Variants in MAP2 observed in about 807,000 individuals in gnomAD.
MAP2 encodes microtubule associated protein 2.
A neutral mutation model predicts 137.6 loss-of-function variants in MAP2; 14 were observed. The observed-to-expected ratio is 0.10, with a 90% CI of 0.07 to 0.16. The LOEUF (loss-of-function observed/expected upper bound fraction) is 0.16. Ranked by LOEUF, MAP2 falls within the 10% of genes least tolerant of loss-of-function variation. MAP2 has a pLI of 1.00. For missense variants in MAP2, 2,088 were observed against 2,191.5 expected (o/e 0.95, Z 0.94); for synonymous variants, 786 against 782.3 (o/e 1.00, Z -0.08).
chr2:209,708,179 T>C (rs543694852), intron 12 of MAP2, among the ~76,000 whole-genome samples: 1 of 152,314 alleles, frequency 6.6e-6, no homozygotes, highest in Admixed American at 6.5e-5. Flanking sequence ...GACAGACATC[T>C]ACGTTACAAA....
intron 11 of MAP2, among the ~76,000 whole-genome samples, chr2:209,704,874 T>C (rs1584072999): frequency 6.6e-6 from 1 of 151,358 alleles, no homozygotes; most frequent in East Asian, 1.9e-4. Context: ...GATTATCTGG[T>C]AAAATATCAA....
intron 3 of MAP2, among the ~76,000 whole-genome samples, chr2:209,590,447 T>C (rs1004731373): frequency 6.6e-6 from 1 of 152,186 alleles, no homozygotes; most frequent in Non-Finnish European, 1.5e-5. Context: ...GTGATTCTCT[T>C]GCCTCAGCCT....
chr2:209,544,883 G>T (rs969040915), intron 2 of MAP2, among the ~76,000 whole-genome samples: 10 of 152,114 alleles, frequency 6.6e-5, no homozygotes, highest in Admixed American at 6.6e-4. Flanking sequence ...TGATTACTCT[G>T]GGCTTGAATA....
rs551314323 is a variant in MAP2 at position 209,592,153 on chromosome 2, A to T, written c.-107+12053A>T. Among the ~76,000 whole-genome samples the T allele has an allele frequency of 3.1e-4, 47 of 152,294 alleles. No homozygotes were observed. The East Asian group carries it at 8.9e-3, about 29-fold the overall frequency. ...ACACTTTTTCTTTAAAGGGGCAGAT[A>T]GTAAATATTCTTGGCTTTGAGGGTC... On this transcript the variant is annotated intron_variant, in intron 3 of 15. Transcript: ENST00000682079.
intron 3 of MAP2, among the ~76,000 whole-genome samples, chr2:209,594,824 G>A (rs971958600): frequency 2.6e-5 from 4 of 152,032 alleles, no homozygotes; most frequent in Non-Finnish European, 5.9e-5. Flanking sequence ...AATAATGATA[G>A]GATCTAATTC....
intron 2 of MAP2, among the ~76,000 whole-genome samples, chr2:209,574,157 A>G (rs1038107501): frequency 2.6e-5 from 4 of 152,106 alleles, no homozygotes; most frequent in East Asian, 1.9e-4. Flanking sequence ...CTCATTCTAC[A>G]TGATGCTATT....
intron 12 of MAP2, among the ~76,000 whole-genome samples, chr2:209,708,617 A>G (rs1004587511): frequency 2.0e-5 from 3 of 152,170 alleles, no homozygotes; most frequent in African/African-American, 7.2e-5. Flanking sequence ...GATCAATTGC[A>G]TTAGGTGACC....
At chr2:209,682,700 A>G (rs2055189886) in intron 7 of MAP2, among the ~76,000 whole-genome samples, 2 of 152,084 alleles carry the variant, frequency 1.3e-5, no homozygotes, top group South Asian at 4.2e-4. Context: ...CCAAATAAAG[A>G]TAGAAAAAAG....
Position 209,453,427 on chromosome 2 carries a change from G to GATTCT in MAP2, c.-222+29153_-222+29157dup, listed in dbSNP as rs1441709797. On this transcript the variant is annotated intron_variant, in intron 1 of 15. Transcript: ENST00000682079. ...TCCCCACTTAAGAAATAAAATATCA[G>GATTCT]ATTCTACCCACTTAATATCAAAGTA... is the stretch of plus-strand genomic sequence containing the variant. Among the ~76,000 whole-genome samples the GATTCT allele has an allele frequency of 2.6e-5, 4 of 152,056 alleles. No individual in the cohort carries two copies. In the East Asian group the frequency reaches 7.7e-4, roughly 29 times the overall value.
intron 1 of MAP2, among the ~76,000 whole-genome samples, chr2:209,460,588 T>TTTCCTTCC (rs374659903): frequency 2.6e-5 from 4 of 151,396 alleles, no homozygotes; most frequent in Admixed American, 1.3e-4. Context: ...CTTCTCTCCT[T>TTTCCTTCC]TTCCTTCCTT....
chr2:209,631,736 C>A (rs550012092), intron 4 of MAP2, among the ~76,000 whole-genome samples: 1 of 152,216 alleles, frequency 6.6e-6, no homozygotes, highest in African/African-American at 2.4e-5. Context: ...TGTGATGAAG[C>A]AAAGATCTTT....
intron 11 of MAP2, among the ~76,000 whole-genome samples, chr2:209,701,898 A>T (rs542955833): frequency 2.0e-5 from 3 of 152,064 alleles, no homozygotes; most frequent in African/African-American, 7.2e-5. Flanking sequence ...TTGAACATCT[A>T]TTAGTTATAT....
intron 5 of MAP2, among the ~76,000 whole-genome samples, chr2:209,658,642 G>A (rs2042007859): frequency 6.6e-6 from 1 of 151,930 alleles, no homozygotes; most frequent in Non-Finnish European, 1.5e-5. Flanking sequence ...GAGTAGCTGA[G>A]ATTACAGGCG....
chr2:209,726,044 T>G (rs1021889476), intron 14 of MAP2, among the ~76,000 whole-genome samples: 1 of 152,232 alleles, frequency 6.6e-6, no homozygotes, highest in Non-Finnish European at 1.5e-5. Context: ...TATCTTTATG[T>G]ACTCAACACG....
rs749829767 is a variant in MAP2, at chr2:209,692,912, C to A, written c.742C>A (p.Pro248Thr). Residue 248 changes from proline (P) to threonine (T), a missense_variant, in exon 8 of 16, where the codon CCT (proline) becomes ACT (threonine). Around this residue, in one of 6 missense-constraint regions of MAP2, gnomAD observed 859 missense variants for 794.5 expected, o/e 1.08. Transcript: ENST00000682079. ...KQKTEPSLVV[P>T]GIDLPKEPPT... ...GAAGACAGAACCAAGCCTTGTAGTA[C>A]CTGGCATTGACCTCCCTAAAGAGCC... 1.9e-6 allele frequency: 3 copies of A among 1,614,012 alleles called. No individual in the cohort carries two copies. The African/African-American group carries it at 4.0e-5, about 22-fold the overall frequency.
At position 209,469,959 on chromosome 2, in the gene MAP2, A is replaced by C. The variant is rs546198887; in HGVS notation, c.-221-37633A>C. Among the ~76,000 whole-genome samples the C allele has an allele frequency of 7.2e-5, 11 of 152,330 alleles. 1 individual carries two copies. The East Asian group carries it at 2.1e-3, about 29-fold the overall frequency. ...GCCAGTATTGACTGTTAAGTGAAAT[A>C]GTAAATGTGAGAGTGTGTGGCTCAC... On this transcript the variant is annotated intron_variant, in intron 1 of 15. Transcript: ENST00000682079.
chr2:209,471,397 A>G (rs1020380530), intron 1 of MAP2, among the ~76,000 whole-genome samples: 4 of 152,224 alleles, frequency 2.6e-5, no homozygotes, highest in South Asian at 2.1e-4. Flanking sequence ...TTGGTCACCA[A>G]TGATATCCCC....
intron 1 of MAP2, among the ~76,000 whole-genome samples, chr2:209,484,570 T>C (rs1575913928): frequency 1.3e-5 from 2 of 151,964 alleles, no homozygotes; most frequent in Admixed American, 6.6e-5. Context: ...GGCGCCTGTA[T>C]TCCCAGCTAC....
intron 3 of MAP2, among the ~76,000 whole-genome samples, chr2:209,605,938 T>G (rs2084550871): frequency 6.6e-6 from 1 of 152,130 alleles, no homozygotes; most frequent in Non-Finnish European, 1.5e-5. Flanking sequence ...TATCTGGAAA[T>G]CAACTCAAGA....
Sources: gnomAD v4.1 joint callset for allele counts (sites outside exome capture counted in the v4.1 genomes callset) on GRCh38, gnomAD v4.1.1 for gene constraint, gnomAD v4.1.1 regional missense constraint, MANE v1.5 for transcripts, NCBI Gene and HGNC (gene_info 2026-07-23, HGNC 2026-07-21) for gene names.